Variants in ADGRB3 observed in about 807,000 individuals in gnomAD.
ADGRB3 encodes the protein brain-specific angiogenesis inhibitor 3.
ADGRB3 carries 37 observed loss-of-function variants against 193.4 expected under a neutral mutation model. The observed-to-expected ratio is 0.19, with a 90% confidence interval of 0.15 to 0.25. ADGRB3 has a LOEUF of 0.25. ADGRB3 is among the 10% of genes least tolerant of loss of function. The pLI is 1.00. For missense variants in ADGRB3, 1,637 were observed against 1,852.9 expected, an observed-to-expected ratio of 0.88 and a Z score of 2.14; for synonymous variants, 690 against 644.2, an observed-to-expected ratio of 1.07 and a Z score of -1.08.
chr6:68,983,825 T>TTAAAA (rs1313268926), intron 10 of ADGRB3, among the ~76,000 whole-genome samples: 2 of 152,034 alleles, frequency 1.3e-5, no homozygotes, highest in South Asian at 4.1e-4. Context: ...CGACTTCAGA[T>TTAAAA]TAAAATAAAA....
chr6:69,289,274 A>G (rs1767616228), intron 20 of ADGRB3, among the ~76,000 whole-genome samples: 1 of 152,188 alleles, frequency 6.6e-6, no homozygotes. Flanking sequence ...CACCTAAATA[A>G]TACCTTCACA....
At chr6:68,907,956 A>T (rs16900333) in intron 3 of ADGRB3, among the ~76,000 whole-genome samples, 46,576 of 151,752 alleles carry the variant, frequency 0.31, 7,661 homozygotes, top group Middle Eastern at 0.52. Context: ...CCTCATTTGT[A>T]TATAGTTCTT....
intron 13 of ADGRB3, among the ~76,000 whole-genome samples, chr6:69,027,730 A>C (rs779415592): frequency 1.3e-5 from 2 of 152,162 alleles, no homozygotes; most frequent in South Asian, 4.1e-4. Flanking sequence ...GTTTGGGTCA[A>C]GTGACAGTGG....
chr6:69,245,237 C>T (rs545811437), intron 20 of ADGRB3, among the ~76,000 whole-genome samples: 1 of 152,110 alleles, frequency 6.6e-6, no homozygotes, highest in Admixed American at 6.6e-5. Flanking sequence ...TATTATCAAT[C>T]CCATTCTCTA....
intron 10 of ADGRB3, among the ~76,000 whole-genome samples, chr6:68,981,827 A>T (rs771578532): frequency 1.3e-5 from 2 of 150,482 alleles, no homozygotes; most frequent in African/African-American, 2.4e-5. Context: ...TCTCCAAAGA[A>T]TGGACAATAC....
chr6:69,141,903 G>T (rs768534318), intron 17 of ADGRB3, among the ~76,000 whole-genome samples: 1 of 152,178 alleles, frequency 6.6e-6, no homozygotes, highest in Non-Finnish European at 1.5e-5. Context: ...AAGAAGCAGG[G>T]TTGGGACTAG....
chr6:69,377,244 T>C (rs1159310504), intron 30 of ADGRB3, among the ~76,000 whole-genome samples: 1 of 152,058 alleles, frequency 6.6e-6, no homozygotes, highest in Non-Finnish European at 1.5e-5. Context: ...TATGGTGCTT[T>C]GGCATACTGA....
intron 3 of ADGRB3, among the ~76,000 whole-genome samples, chr6:68,652,495 C>T (rs1315442159): frequency 1.3e-5 from 2 of 152,096 alleles, no homozygotes; most frequent in Non-Finnish European, 2.9e-5. Context: ...TCTCTCTGGT[C>T]ATCTGAACTC....
intron 3 of ADGRB3, among the ~76,000 whole-genome samples, chr6:68,786,073 G>A (rs1283284382): frequency 0.014 from 2,090 of 148,376 alleles, 62 homozygotes; most frequent in African/African-American, 0.051. Flanking sequence ...AGATGAGTAG[G>A]TTGCAAAAAT....
rs189274740 is a variant in ADGRB3, at chr6:68,727,152, C to A, written c.757+87720C>A. On this transcript the variant is annotated intron_variant, in intron 3 of 31. Transcript: ENST00000370598. ...GCTTTGTCATTCAATGATGCTACAA[C>A]AGAAGGATTCAGTGTTAGTAGCTTT... Among the ~76,000 whole-genome samples, 229 of 151,666 alleles carry A rather than the reference C, an allele frequency of 1.5e-3. 1 individual carries two copies. Among genetic ancestry groups the A allele is most frequent in the African/African-American group, 5.2e-3 (217 of 41,466 alleles).
intron 20 of ADGRB3, among the ~76,000 whole-genome samples, chr6:69,321,752 T>C (rs1482902361): frequency 6.6e-6 from 1 of 151,816 alleles, no homozygotes. Flanking sequence ...TAAAGTTCAT[T>C]TGAAAATTGC....
chr6:69,075,082 G>A (rs1772189566), intron 16 of ADGRB3, among the ~76,000 whole-genome samples: 1 of 152,142 alleles, frequency 6.6e-6, no homozygotes, highest in Non-Finnish European at 1.5e-5. Context: ...TACAATCTTA[G>A]TTTGCATTAT....
At chr6:69,370,293 A>G (rs898809701) in intron 29 of ADGRB3, among the ~76,000 whole-genome samples, 1 of 152,320 alleles carries the variant, frequency 6.6e-6, no homozygotes, top group Middle Eastern at 3.4e-3. Context: ...CTTGGTCAGT[A>G]TTGTGGAAAC....
At chr6:69,334,904 G>C (rs749028794) in intron 24 of ADGRB3, among the ~76,000 whole-genome samples, 1 of 152,092 alleles carries the variant, frequency 6.6e-6, no homozygotes, top group Non-Finnish European at 1.5e-5. Flanking sequence ...CTGCCTCATA[G>C]AGTATATGAA....
intron 15 of ADGRB3, among the ~76,000 whole-genome samples, chr6:69,058,479 A>C (rs1227892088): frequency 3.3e-5 from 5 of 151,756 alleles, no homozygotes; most frequent in African/African-American, 1.2e-4. Flanking sequence ...ATCTTTCTTC[A>C]TTAACTTTGG....
chr6:68,874,603 T>C (rs1765539953), intron 3 of ADGRB3, among the ~76,000 whole-genome samples: 1 of 152,132 alleles, frequency 6.6e-6, no homozygotes, highest in South Asian at 2.1e-4. Flanking sequence ...AAATCTTATT[T>C]ATATAGCTTA....
intron 3 of ADGRB3, among the ~76,000 whole-genome samples, chr6:68,811,586 A>G (rs1344864815): frequency 1.3e-5 from 2 of 152,024 alleles, no homozygotes; most frequent in Non-Finnish European, 1.5e-5. Flanking sequence ...CTTCTACTTC[A>G]ACCTCCCAAG....
rs201574042 is a variant in ADGRB3 at position 69,062,968 on chromosome 6, G to T, written c.2368G>T (p.Val790Phe). The T allele has an allele frequency of 1.2e-6, 2 of 1,611,840 alleles. No individual in the cohort carries two copies. The highest frequency in any genetic ancestry group is 1.7e-4 in the Middle Eastern group (1 of 6,046). Reference protein sequence around the residue: ...YTVINSKIIVVTIRPEPKTTD... With the variant: ...YTVINSKIIVFTIRPEPKTTD... The stretch of plus-strand genomic sequence containing the variant: ...TGTCATTAATTCCAAAATCATCGTG[G>T]TCACAATAAGGCCTGAACCCAAAAC... Residue 790 changes from valine to phenylalanine, a missense_variant, in exon 16 of 32, where the codon GTC becomes TTC. By Grantham distance (50) the Val-to-Phe change is conservative. Coordinates refer to ENST00000370598, the MANE Select transcript of ADGRB3 (RefSeq NM_001704.3).
intron 17 of ADGRB3, among the ~76,000 whole-genome samples, chr6:69,227,315 T>C (rs1179114845): frequency 6.6e-6 from 1 of 152,202 alleles, no homozygotes; most frequent in Non-Finnish European, 1.5e-5. Context: ...GTATAATTCC[T>C]TGTAGACCAT....
Sources: allele counts gnomAD v4.1 joint callset (sites outside exome capture counted in the v4.1 genomes callset), GRCh38; gene constraint gnomAD v4.1.1; transcripts MANE v1.5; gene names NCBI Gene and HGNC (gene_info 2026-07-23, HGNC 2026-07-21).